The following COL21A1 variants were observed in gnomAD, a reference collection of about 807,000 sequenced individuals.
The protein encoded by COL21A1 is collagen type XXI alpha 1 chain.
COL21A1 carries 149 observed loss-of-function variants against 137.9 expected under a neutral mutation model. That is an observed-to-expected ratio of 1.08 (90% CI 0.95 to 1.24). The LOEUF is 1.24. Ranked by LOEUF, COL21A1 falls within the 50% of genes most tolerant of loss-of-function variation. The probability of loss-of-function intolerance (pLI) is 0.00; values close to 1 mark genes in which losing one functional copy is unlikely to be tolerated. For missense variants in COL21A1, 1,167 were observed against 1,158.4 expected (o/e 1.01, Z -0.11); for synonymous variants, 456 against 391.5 (o/e 1.16, Z -1.95).
intron 10 of COL21A1, among the ~76,000 whole-genome samples, chr6:56,151,075 A>C (rs1775283428): frequency 1.3e-5 from 2 of 152,154 alleles, no homozygotes. Context: ...TACAAAAAAA[A>C]ATTGACCGGG....
chr6:56,134,298 C>T (rs1773813021), intron 12 of COL21A1, among the ~76,000 whole-genome samples: 1 of 152,164 alleles, frequency 6.6e-6, no homozygotes. Context: ...GACTGCACCG[C>T]TGGATTTCAG....
chr6:56,072,218 T>A (rs2114102066), intron 20 of COL21A1, among the ~76,000 whole-genome samples: 1 of 151,722 alleles, frequency 6.6e-6, no homozygotes, highest in African/African-American at 2.4e-5. Context: ...GATGGGCATT[T>A]GAGTTCATTC....
intron 12 of COL21A1, among the ~76,000 whole-genome samples, chr6:56,133,819 G>C (rs995598127): frequency 1.3e-5 from 2 of 152,298 alleles, no homozygotes; most frequent in East Asian, 1.9e-4. Context: ...CCCAAGCCTT[G>C]GCAGCTTCCA....
At chr6:56,301,912 T>C (rs9370513) in intron 1 of COL21A1, among the ~76,000 whole-genome samples, 23,522 of 151,444 alleles carry the variant, frequency 0.16, 3,326 homozygotes, top group East Asian at 0.6. Context: ...CTGTGTCCCA[T>C]GCTCCCCTTC....
At chr6:56,174,272 T>C (rs906322335) in intron 3 of COL21A1, among the ~76,000 whole-genome samples, 8 of 151,410 alleles carry the variant, frequency 5.3e-5, no homozygotes, top group African/African-American at 1.9e-4. Flanking sequence ...CTCAAGGACC[T>C]ACAGAAAAAA....
intron 1 of COL21A1, among the ~76,000 whole-genome samples, chr6:56,206,244 AT>A (rs1478691482): frequency 4.6e-5 from 7 of 152,002 alleles, no homozygotes; most frequent in Admixed American, 4.6e-4. Context: ...GATCCAACTA[AT>A]GTGCAAAGAC....
At chr6:56,344,831 GGACGTGCCTGCTTCCCCTTTGCCTTC>G (rs11270258) in intron 1 of COL21A1, among the ~76,000 whole-genome samples, 46,876 of 151,816 alleles carry the variant, frequency 0.31, 8,045 homozygotes, top group East Asian at 0.62. Flanking sequence ...CAGCTATGTA[GGACGTGCCTGCTTCCCCTTTGCCTTC>G]CACCGTGATT....
In COL21A1 at chr6:56,119,660, G is replaced by A. The variant is rs1291353030; in HGVS notation, c.1758+4402C>T. Among the ~76,000 whole-genome samples the A allele has an allele frequency of 2.0e-5, 3 of 152,020 alleles. 1 individual carries two copies. Among genetic ancestry groups the A allele is most frequent in the Non-Finnish European group, 4.4e-5 (3 of 67,948 alleles). On this transcript the variant is annotated intron_variant, in intron 16 of 29. Transcript: ENST00000244728. ...TTACATTACCCGACATCAAATTATAGTACAGACCTATATTAACCAAAACAA... is the reference window on the plus strand; with the variant it reads ...TTACATTACCCGACATCAAATTATAATACAGACCTATATTAACCAAAACAA...
chr6:56,180,118 C>A lies in COL21A1; in HGVS notation c.100G>T (p.Ala34Ser), dbSNP rs1383327752. The A allele has an allele frequency of 6.2e-7, 1 of 1,609,558 alleles. No homozygotes were observed. The highest frequency in any genetic ancestry group is 1.1e-5 in the South Asian group (1 of 90,402). ...DGEVRSSCRT[A>S]PTDLVFILDG... is the part of the protein sequence containing the mutation. The stretch of plus-strand genomic sequence containing the variant: ...AAGATGAAAACTAAATCTGTCGGAG[C>A]AGTACGACAACCTAAGTGCAAAAGA... Residue 34 changes from alanine (A) to serine (S), a missense_variant, in exon 3 of 30, where the codon GCT becomes TCT. Transcript: ENST00000244728.
At chr6:56,204,032 A>G (rs1455312560) in intron 1 of COL21A1, among the ~76,000 whole-genome samples, 1 of 151,700 alleles carries the variant, frequency 6.6e-6, no homozygotes, top group Non-Finnish European at 1.5e-5. Context: ...CAAGCACAAA[A>G]CTGGGTGGCC....
At chr6:56,379,789 C>G (rs1019445733) in intron 1 of COL21A1, among the ~76,000 whole-genome samples, 3 of 152,146 alleles carry the variant, frequency 2.0e-5, no homozygotes, top group African/African-American at 7.2e-5. Flanking sequence ...ACTATCTCTT[C>G]AACACAATAG....
intron 1 of COL21A1, among the ~76,000 whole-genome samples, chr6:56,237,516 G>A (rs913932224): frequency 2.7e-4 from 41 of 152,160 alleles, no homozygotes; most frequent in African/African-American, 8.2e-4. Flanking sequence ...CTCTAATCTC[G>A]CTTAGGCTCT....
Position 56,171,127 on chromosome 6 carries a change from T to C in COL21A1, c.642A>G (p.Glu214=), listed in dbSNP as rs541217171. The C allele has an allele frequency of 3.8e-6, 6 of 1,584,644 alleles. No homozygotes were observed. The South Asian group carries it at 5.8e-5, about 15-fold the overall frequency. The change falls in exon 4 of 30, where the codon GAA becomes GAG. Residue 214 remains glutamate (E), a splice_region_variant and synonymous_variant. Coordinates refer to ENST00000244728, the MANE Select transcript of COL21A1 (RefSeq NM_030820.4). The part of the protein sequence containing the change: ...REVMKQKLCE[E]SVCPTRIPVA... ...CTGGAATTCGTGTTGGACAGACAGA[T>C]TCTATAAAGCAAAAGCAATAAAAGT...
intron 17 of COL21A1, among the ~76,000 whole-genome samples, chr6:56,100,395 T>C (rs914139517): frequency 4.6e-5 from 7 of 152,200 alleles, no homozygotes; most frequent in African/African-American, 1.7e-4. Flanking sequence ...TTTTTAAAAA[T>C]TTCCTACGTA....
intron 3 of COL21A1, 51 bp downstream of exon 3, chr6:56,179,527 A>G (rs1777736285): frequency 7.3e-7 from 1 of 1,367,676 alleles, no homozygotes; most frequent in Admixed American, 2.4e-5. Context: ...AAATGTAAAA[A>G]GCACAATTAT....
chr6:56,126,608 T>C (rs1561893903), intron 12 of COL21A1: 1 of 155,536 alleles, frequency 6.4e-6, no homozygotes, highest in South Asian at 2.0e-4. Context: ...TAATTACTCA[T>C]AGAAGGTATC....
chr6:56,058,765 C>A (rs1056361868), intron 29 of COL21A1, among the ~76,000 whole-genome samples: 11 of 152,088 alleles, frequency 7.2e-5, no homozygotes, highest in African/African-American at 2.7e-4. Flanking sequence ...ATTATCATCA[C>A]CATTTTACCA....
At chr6:56,296,969 C>T (rs923493970) in intron 1 of COL21A1, among the ~76,000 whole-genome samples, 2 of 151,974 alleles carry the variant, frequency 1.3e-5, no homozygotes, top group Non-Finnish European at 2.9e-5. Context: ...AGGCTATTAC[C>T]ATCCATGAGC....
intron 1 of COL21A1, among the ~76,000 whole-genome samples, chr6:56,273,089 T>C (rs1226454839): frequency 6.6e-6 from 1 of 152,132 alleles, no homozygotes; most frequent in Non-Finnish European, 1.5e-5. Flanking sequence ...CTTTCAAAAC[T>C]ACACAAATAC....
Sources: gnomAD v4.1 joint callset for allele counts (sites outside exome capture counted in the v4.1 genomes callset) on GRCh38, gnomAD v4.1.1 for gene constraint, MANE v1.5 for transcripts, NCBI Gene and HGNC (gene_info 2026-07-23, HGNC 2026-07-21) for gene names.